Variants in SNX18 observed in about 807,000 individuals in gnomAD.
SNX18 encodes the protein sorting nexin-18.
In SNX18, 35 loss-of-function variants were observed where a neutral mutation model predicts 48.7. The observed-to-expected ratio is 0.72, with a 90% CI of 0.55 to 0.95. SNX18 has a LOEUF of 0.95. Among genes scored for constraint, SNX18 ranks in the 40% least tolerant of loss-of-function variants. SNX18 has a pLI of 0.00. For missense variants in SNX18, 824 were observed against 871.0 expected, an observed-to-expected ratio of 0.95 and a Z score of 0.68; for synonymous variants, 492 against 384.7, an observed-to-expected ratio of 1.28 and a Z score of -3.26.
In SNX18 at chr5:54,518,417, C is replaced by T. The variant is rs537227406; in HGVS notation, c.465C>T (p.Asp155=). Residue 155 remains aspartate, a synonymous_variant, in exon 1 of 2, where the codon GAC becomes GAT. Coordinates refer to ENST00000381410, the MANE Select transcript of SNX18 (RefSeq NM_001102575.2). Reference sequence around the variant, plus strand: ...GCCAAGGCAGCGATGATGACTGGGACGACGAGTGGGACGACAGCTCCACGG... The same window carrying T: ...GCCAAGGCAGCGATGATGACTGGGATGACGAGTGGGACGACAGCTCCACGG... ...QASQGSDDDW[D]DEWDDSSTVA... 1.9e-5 allele frequency: 30 copies of T among 1,585,528 alleles called. 1 individual carries two copies. In the South Asian group the frequency reaches 2.1e-4, roughly 11 times the overall value.
the SNX18 span, among the ~76,000 whole-genome samples, chr5:54,551,954 G>T: frequency 6.6e-6 from 1 of 152,198 alleles, no homozygotes; most frequent in African/African-American, 2.4e-5. Context: ...TGATATGCTA[G>T]CCCTCAGTGT....
chr5:54,531,394 G>A (rs543847412), intron 1 of SNX18, among the ~76,000 whole-genome samples: 12 of 152,254 alleles, frequency 7.9e-5, no homozygotes, highest in African/African-American at 2.6e-4. Context: ...AAGGAATGGG[G>A]CTGAAGGGAG....
intron 1 of SNX18, among the ~76,000 whole-genome samples, chr5:54,524,079 A>AC (rs1762081881): frequency 1.3e-5 from 2 of 151,980 alleles, no homozygotes; most frequent in African/African-American, 4.8e-5. Flanking sequence ...CCCTGCATTT[A>AC]CCCCCAGCTG....
At chr5:54,583,874 G>A in the SNX18 span, among the ~76,000 whole-genome samples, 1 of 152,236 alleles carries the variant, frequency 6.6e-6, no homozygotes, top group East Asian at 1.9e-4. Flanking sequence ...CCTGCCGGGT[G>A]TTCCAGGCTC....
chr5:54,632,231 T>C, the SNX18 span, among the ~76,000 whole-genome samples: 2 of 152,224 alleles, frequency 1.3e-5, no homozygotes, highest in Non-Finnish European at 2.9e-5. Flanking sequence ...CATGTTTCTT[T>C]CTTAGCATAG....
the SNX18 span, among the ~76,000 whole-genome samples, chr5:54,568,549 G>A: frequency 6.6e-6 from 1 of 152,158 alleles, no homozygotes; most frequent in Non-Finnish European, 1.5e-5. Context: ...CATTTCCAAA[G>A]GAAGGGGTGG....
At chr5:54,523,774 T>G (rs1762077754) in intron 1 of SNX18, among the ~76,000 whole-genome samples, 1 of 152,182 alleles carries the variant, frequency 6.6e-6, no homozygotes, top group African/African-American at 2.4e-5. Flanking sequence ...TGCTTCCTTT[T>G]ACCACTAGTA....
the SNX18 span, among the ~76,000 whole-genome samples, chr5:54,596,986 C>A: frequency 1.3e-5 from 2 of 152,092 alleles, no homozygotes; most frequent in African/African-American, 4.8e-5. Flanking sequence ...CAAAATCCAG[C>A]GGTGTGTTAT....
the SNX18 span, among the ~76,000 whole-genome samples, chr5:54,618,890 C>T: frequency 6.6e-6 from 1 of 152,076 alleles, no homozygotes; most frequent in Non-Finnish European, 1.5e-5. Flanking sequence ...TTTATACCCC[C>T]TGTTCTATAA....
intron 1 of SNX18, chr5:54,520,023 C>G: frequency 3.6e-6 from 2 of 552,596 alleles, no homozygotes; most frequent in Non-Finnish European, 6.5e-6. Context: ...TCTGCTTTCA[C>G]CCTTCCACAC....
At position 54,544,634 on chromosome 5, in the gene SNX18, A is replaced by ACCC. The variant is rs1230803374; in HGVS notation, c.*1202_*1203insCCC. The ACCC allele has an allele frequency of 2.2e-5, 1 of 45,164 alleles. No homozygotes were observed. The allele number at this position is 45,164 out of a possible 1,614,324, so 2.8% of individuals were successfully genotyped here. On this transcript the variant is annotated 3_prime_UTR_variant, in exon 2 of 2. Transcript: ENST00000381410. ...TTTAAAAAAAAAAAAGGTATTGATG[A>ACCC]GCCCCCCCCCCCCAGGACATTTAAC...
chr5:54,577,383 T>C, the SNX18 span, among the ~76,000 whole-genome samples: 1 of 113,232 alleles, frequency 8.8e-6, no homozygotes, highest in African/African-American at 3.4e-5. Flanking sequence ...CCTCAACTGC[T>C]CCAGCAGCTA....
chr5:54,528,495 T>A (rs1762181202), intron 1 of SNX18, among the ~76,000 whole-genome samples: 1 of 152,190 alleles, frequency 6.6e-6, no homozygotes, highest in African/African-American at 2.4e-5. Context: ...GAATTCCCCC[T>A]TTGAAACATG....
At chr5:54,647,214 A>G in the SNX18 span, among the ~76,000 whole-genome samples, 202 of 152,368 alleles carry the variant, frequency 1.3e-3, 2 homozygotes, top group African/African-American at 4.6e-3. Flanking sequence ...CTAAGTGCCA[A>G]ATACATGCCG....
chr5:54,570,587 T>C, the SNX18 span, among the ~76,000 whole-genome samples: 12 of 152,338 alleles, frequency 7.9e-5, no homozygotes, highest in Admixed American at 7.2e-4. Flanking sequence ...ATTAAGTACA[T>C]GGCTCATAAT....
the SNX18 span, among the ~76,000 whole-genome samples, chr5:54,613,428 T>C: frequency 4.6e-5 from 7 of 152,234 alleles, no homozygotes; most frequent in African/African-American, 1.2e-4. Context: ...CTCATGCTTT[T>C]ATCCGGAAGC....
chr5:54,543,088 T>C, intron 1 of SNX18, 91 bp from the exon 2 acceptor site: 1 of 1,293,570 alleles, frequency 7.7e-7, no homozygotes, highest in Non-Finnish European at 1.0e-6. Flanking sequence ...GGCAACTATT[T>C]ATAATGCCCA....
chr5:54,532,359 C>T (rs560797343), intron 1 of SNX18, among the ~76,000 whole-genome samples: 1 of 147,830 alleles, frequency 6.8e-6, no homozygotes, highest in South Asian at 2.1e-4. Flanking sequence ...GTGCACATGC[C>T]TCAGGTAATT....
the SNX18 span, among the ~76,000 whole-genome samples, chr5:54,594,387 G>C: frequency 1.3e-5 from 2 of 152,296 alleles, no homozygotes; most frequent in Admixed American, 1.3e-4. Flanking sequence ...GCAGAAAAGA[G>C]TTAACACAGC....
Sources: allele counts gnomAD v4.1 joint callset (sites outside exome capture counted in the v4.1 genomes callset), GRCh38; gene constraint gnomAD v4.1.1; transcripts MANE v1.5; gene names NCBI Gene and HGNC (gene_info 2026-07-23, HGNC 2026-07-21).